Variants in AKAP7 observed in about 807,000 individuals in gnomAD.
The protein encoded by AKAP7 is A kinase (PRKA) anchor protein 7.
AKAP7 carries 39 observed loss-of-function variants against 39.5 expected under a neutral mutation model. The ratio of observed to expected loss-of-function variants is 0.99; its 90% confidence interval spans 0.76 to 1.29. The LOEUF is 1.29. Among genes scored for constraint, AKAP7 ranks in the 50% most tolerant of loss-of-function variants. The probability of loss-of-function intolerance (pLI) is 0.00; values close to 1 mark genes in which losing one functional copy is unlikely to be tolerated. For missense variants in AKAP7, 414 were observed against 407.7 expected (o/e 1.02, Z -0.13); for synonymous variants, 140 against 139.1 (o/e 1.01, Z -0.05).
rs1815166551 is a variant in AKAP7, at chr6:131,281,215, A to G, written c.851-315A>G. Among the ~76,000 whole-genome samples, 1 of 152,208 alleles carries G rather than the reference A, an allele frequency of 6.6e-6. No individual in the cohort carries two copies. On this transcript the variant is annotated intron_variant, in intron 7 of 7. Coordinates refer to ENST00000431975, the MANE Select transcript of AKAP7 (RefSeq NM_016377.4). This position sits in a 1 kb window ranked among gnomAD's most constrained non-coding sequence, Gnocchi z 4.0. The stretch of plus-strand genomic sequence containing the variant: ...GTCTGAGACTCCACGTGGTGGGGAC[A>G]TGGACGTTAGTAGTAGTAATTAGCC...
At chr6:131,211,494 G>A (rs1394616531) in intron 6 of AKAP7, among the ~76,000 whole-genome samples, 7 of 151,928 alleles carry the variant, frequency 4.6e-5, no homozygotes, top group Admixed American at 2.6e-4. Context: ...AGATGGGCGC[G>A]GTGGCTCACG....
At chr6:131,141,961 G>A (rs1801081930) in intron 1 of AKAP7, among the ~76,000 whole-genome samples, 2 of 150,862 alleles carry the variant, frequency 1.3e-5, no homozygotes, top group South Asian at 4.2e-4. Flanking sequence ...AGTGCAGTGG[G>A]AAGAAATTTT....
intron 7 of AKAP7, among the ~76,000 whole-genome samples, chr6:131,239,809 TA>T (rs1283607207): frequency 6.6e-6 from 1 of 152,226 alleles, no homozygotes; most frequent in African/African-American, 2.4e-5. Flanking sequence ...GCCATTCGTC[TA>T]ATCTTTTTTC....
intron 7 of AKAP7, among the ~76,000 whole-genome samples, chr6:131,254,185 A>G (rs939344693): frequency 2.0e-5 from 3 of 152,232 alleles, no homozygotes; most frequent in African/African-American, 7.2e-5. Flanking sequence ...GTTTCTTGGA[A>G]GATTAGGCTC....
At chr6:131,183,842 GGCATGGA>G (rs1325179215) in intron 5 of AKAP7, among the ~76,000 whole-genome samples, 3 of 152,214 alleles carry the variant, frequency 2.0e-5, no homozygotes, top group Admixed American at 2.0e-4. Flanking sequence ...GTGACACAGG[GGCATGGA>G]AAGCTCCTTG....
intron 7 of AKAP7, among the ~76,000 whole-genome samples, chr6:131,244,685 T>C (rs1811858869): frequency 6.6e-6 from 1 of 152,188 alleles, no homozygotes; most frequent in Non-Finnish European, 1.5e-5. Context: ...TAAGCAGAAA[T>C]GCATCAGCAG....
At chr6:131,236,169 C>T (rs1811041829) in intron 7 of AKAP7, among the ~76,000 whole-genome samples, 1 of 152,016 alleles carries the variant, frequency 6.6e-6, no homozygotes, top group African/African-American at 2.4e-5. Flanking sequence ...GGAATCGTTT[C>T]CCCATTGCTT....
chr6:131,157,839 G>A (rs2128236251), intron 2 of AKAP7, among the ~76,000 whole-genome samples: 1 of 152,278 alleles, frequency 6.6e-6, no homozygotes, highest in Non-Finnish European at 1.5e-5. Flanking sequence ...TAGACATATT[G>A]TTGAGAGATA....
At chr6:131,161,613 C>G (rs146369764) in intron 3 of AKAP7, among the ~76,000 whole-genome samples, 23,623 of 125,446 alleles carry the variant, frequency 0.19, 2,660 homozygotes, top group Non-Finnish European at 0.25. Flanking sequence ...CCACTGCACT[C>G]CAGCCTGGGT....
chr6:131,127,981 C>T, the AKAP7 span, among the ~76,000 whole-genome samples: 2 of 152,188 alleles, frequency 1.3e-5, no homozygotes, highest in African/African-American at 2.4e-5. Context: ...ATAATGAGAA[C>T]AAGTGGACAC....
At chr6:131,280,211 C>T (rs1319635951) in intron 7 of AKAP7, among the ~76,000 whole-genome samples, 1 of 152,132 alleles carries the variant, frequency 6.6e-6, no homozygotes, top group Non-Finnish European at 1.5e-5. Context: ...GATCATGGGT[C>T]TGGGGTGCCA....
upstream of AKAP7, among the ~76,000 whole-genome samples, chr6:131,131,534 A>G (rs750269021): frequency 6.8e-6 from 1 of 146,964 alleles, no homozygotes; most frequent in Middle Eastern, 3.4e-3. Context: ...CTGAGTACTT[A>G]ATGGATCTGG....
intron 1 of AKAP7, 30 bp from the exon 2 acceptor site, chr6:131,145,255 C>CA: frequency 7.5e-7 from 1 of 1,336,812 alleles, no homozygotes; most frequent in East Asian, 2.6e-5. Context: ...GTTAAATAAT[C>CA]CTTTTTTTTC....
At chr6:131,184,440 A>G in intron 5 of AKAP7, 1 of 660,246 alleles carries the variant, frequency 1.5e-6, no homozygotes, top group Non-Finnish European at 2.9e-6. Flanking sequence ...GAGACAGTAC[A>G]TTTCGTAGCC....
At chr6:131,153,854 C>T (rs1176789703) in intron 2 of AKAP7, among the ~76,000 whole-genome samples, 1 of 152,102 alleles carries the variant, frequency 6.6e-6, no homozygotes, top group Non-Finnish European at 1.5e-5. Context: ...AATACTTATA[C>T]TAACTGTGAG....
At chr6:131,140,834 C>A (rs958817218) in intron 1 of AKAP7, among the ~76,000 whole-genome samples, 2 of 152,142 alleles carry the variant, frequency 1.3e-5, no homozygotes, top group Non-Finnish European at 2.9e-5. Flanking sequence ...TCTATGAAAA[C>A]TTTTATTTAA....
chr6:131,170,763 T>C (rs1365005952), intron 5 of AKAP7, among the ~76,000 whole-genome samples: 1 of 152,232 alleles, frequency 6.6e-6, no homozygotes, highest in Admixed American at 6.5e-5. Flanking sequence ...TCAGTGTTTA[T>C]ATAGGGCTGG....
intron 7 of AKAP7, among the ~76,000 whole-genome samples, chr6:131,271,047 A>G (rs1489279055): frequency 6.6e-6 from 1 of 152,164 alleles, no homozygotes; most frequent in Non-Finnish European, 1.5e-5. Flanking sequence ...AGGGTCCTGA[A>G]AAGAGCAAAT....
chr6:131,221,503 T>G lies in AKAP7; in HGVS notation c.850+1695T>G, dbSNP rs185103294. ...GGTGGCTGCTCAAAGCAACAGATTT[T>G]CAATGTAGACAAAACAGCCTTCTAT... On this transcript the variant is annotated intron_variant, in intron 7 of 7. Transcript: ENST00000431975. Among the ~76,000 whole-genome samples the G allele has an allele frequency of 4.7e-4, 71 of 152,340 alleles. 1 individual carries two copies. Among genetic ancestry groups the G allele is most frequent in the Middle Eastern group, 3.4e-3 (1 of 294 alleles).
Sources: gnomAD v4.1 joint callset for allele counts (sites outside exome capture counted in the v4.1 genomes callset) on GRCh38, gnomAD v4.1.1 for gene constraint, Gnocchi (gnomAD v3.1) non-coding constraint, MANE v1.5 for transcripts, NCBI Gene and HGNC (gene_info 2026-07-23, HGNC 2026-07-21) for gene names.